MYO15B: variants seen among roughly 807,000 people sequenced by gnomAD.
MYO15B encodes myosin XVB pseudogene.
Under a neutral mutation model 119.3 loss-of-function variants are expected in MYO15B, and 207 were observed. The observed-to-expected ratio is 1.73, with a 90% CI of 1.55 to 1.95. The LOEUF is 1.95. MYO15B is among the 30% of genes most tolerant of loss of function. The pLI is 0.00. For missense variants in MYO15B, 2,264 were observed against 1,203.1 expected (o/e 1.88, Z -13.04); for synonymous variants, 966 against 498.9 (o/e 1.94, Z -12.48).
chr17:75,615,338 G>C, exon 34 of MYO15B: 1 of 702,030 alleles, frequency 1.4e-6, no homozygotes, highest in East Asian at 2.7e-5. Flanking sequence ...TGCCATGCCA[G>C]GTAAGTCTGG....
chr17:75,617,637 T>G (rs1398244957), intron 41 of MYO15B, 173 bp from the exon 42 acceptor site: 2 of 589,606 alleles, frequency 3.4e-6, no homozygotes, highest in African/African-American at 1.9e-5. Flanking sequence ...AGGGAAAGTT[T>G]AGGGCCCAAA....
chr17:75,592,936 A>G (rs2056575009), intron 9 of MYO15B, 96 bp downstream of exon 9: 1 of 638,294 alleles, frequency 1.6e-6, no homozygotes, highest in Admixed American at 2.3e-5. Flanking sequence ...AGGAGACTAC[A>G]GAGTGCTGGG....
chr17:75,626,583 A>C (rs1598967403), exon 64 of MYO15B: 1 of 680,806 alleles, frequency 1.5e-6, no homozygotes, highest in Non-Finnish European at 2.7e-6. Flanking sequence ...CTGTTCTAGA[A>C]CCTGCCTCAG....
chr17:75,594,850 G>A (rs2056749231), exon 12 of MYO15B: 2 of 702,948 alleles, frequency 2.8e-6, no homozygotes, highest in African/African-American at 1.7e-5. Context: ...GGACGCCCTG[G>A]CCAAGGCACT....
intron 21 of MYO15B, among the ~76,000 whole-genome samples, chr17:75,608,238 C>T (rs2057778581): frequency 6.6e-6 from 1 of 151,992 alleles, no homozygotes; most frequent in Middle Eastern, 3.2e-3. Context: ...CCTGCCTCAG[C>T]CTCCCGAGTA....
rs202034551 is a variant in MYO15B at position 75,621,145 on chromosome 17, G to C, written c.7840G>C (p.Ala2614Pro). 1,109 of 700,694 alleles carry C rather than the reference G, an allele frequency of 1.6e-3. 2 individuals carry two copies. The highest frequency in any genetic ancestry group is 2.4e-3 in the Non-Finnish European group (920 of 383,560). The allele number at this position is 700,694 out of a possible 1,614,324, so 43.4% of individuals were successfully genotyped here. A position where few individuals can be genotyped will look rare whatever the true frequency, so the allele number is the denominator to read the frequency against. Residue 2614 changes from alanine to proline, a missense_variant, in exon 50 of 64, where the codon GCC (alanine) becomes CCC (proline). Transcript: ENST00000645453. ...CCACAGCTACACCATGCAGGAATTC[G>C]CCCGGCGTTACTTCCGGAGGTCCCA...
chr17:75,596,873 C>G, exon 14 of MYO15B: 2 of 702,678 alleles, frequency 2.8e-6, no homozygotes, highest in Non-Finnish European at 5.2e-6. Flanking sequence ...CCTGAGTATC[C>G]TGGACGCCCA....
exon 27 of MYO15B, chr17:75,613,130 A>G (rs1321995394): frequency 1.4e-6 from 1 of 702,730 alleles, no homozygotes. Flanking sequence ...TGAACAGCAG[A>G]GCCAGCGTGG....
In MYO15B at chr17:75,605,909, G is replaced by A. The variant is rs1394649180; in HGVS notation, c.4180G>A (p.Asp1394Asn). The A allele has an allele frequency of 2.6e-5, 18 of 701,990 alleles. No homozygotes were observed. The East Asian group carries it at 4.3e-4, about 17-fold the overall frequency. The allele number at this position is 701,990 out of a possible 1,614,324, so 43.5% of individuals were successfully genotyped here. Reference sequence around the variant, plus strand: ...CTGGCAGCGGCTGGAGGAGCTCCGGGACCAGCAGCGCTCCCAGGCCCTGGT... The same window carrying A: ...CTGGCAGCGGCTGGAGGAGCTCCGGAACCAGCAGCGCTCCCAGGCCCTGGT... Residue 1394 changes from aspartate to asparagine, a missense_variant, in exon 21 of 64, where the codon GAC becomes AAC. By Grantham distance (23) the Asp-to-Asn change is conservative. Coordinates refer to ENST00000645453, the Ensembl canonical transcript of MYO15B.
At chr17:75,591,560 G>T in intron 4 of MYO15B, 41 bp from the exon 5 acceptor site, 1 of 702,356 alleles carries the variant, frequency 1.4e-6, no homozygotes, top group South Asian at 1.5e-5. Context: ...GTGGTCCTAT[G>T]TGCCCCTCCC....
chr17:75,625,792 G>T, intron 61 of MYO15B, 52 bp from the exon 62 acceptor site: 1 of 701,326 alleles, frequency 1.4e-6, no homozygotes. Context: ...AGCAGAGCAG[G>T]TTCCAGGGCC....
At position 75,619,291 on chromosome 17, in the gene MYO15B, C is replaced by A. The variant is rs1260767524; in HGVS notation, c.7064-67C>A. The A allele has an allele frequency of 8.5e-6, 6 of 702,304 alleles. No individual in the cohort carries two copies. The East Asian group carries it at 1.6e-4, about 19-fold the overall frequency. The allele number at this position is 702,304 out of a possible 1,614,324, so 43.5% of individuals were successfully genotyped here. ...GCGCCTGCCCTGAAGGAGGGAGCAG[C>A]ATGGGAGCAAACTCTAGAGCCCCCT... On this transcript the variant is annotated intron_variant, in intron 44 of 63. Coordinates refer to ENST00000645453, the Ensembl canonical transcript of MYO15B.
rs2058376431 is a variant in MYO15B, at chr17:75,616,450, G to T, written c.6244+4G>T. The T allele has an allele frequency of 3.7e-5, 24 of 648,322 alleles. No individual in the cohort carries two copies. The South Asian group carries it at 3.8e-4, about 10-fold the overall frequency. 40.2% of individuals were successfully genotyped at this position (648,322 alleles called of 1,614,324 possible). ...CAAGAAGTGGAAACAAGAGCAGGTT[G>T]TGGGGAGCTGGGCAGGGCCTGGGGC... On this transcript the variant is annotated splice_donor_region_variant and intron_variant, in intron 38 of 63. Transcript: ENST00000645453.
In MYO15B at chr17:75,606,719, C is replaced by T. The variant is rs561624045; in HGVS notation, c.4292+698C>T. On this transcript the variant is annotated intron_variant, in intron 21 of 63. Coordinates refer to ENST00000645453, the Ensembl canonical transcript of MYO15B. Reference sequence around the variant, plus strand: ...AACTCCCGACCTCAGGTGATCCGCCCGCCTCAGCCTCCCAAAATGCTGGGA... The same window carrying T: ...AACTCCCGACCTCAGGTGATCCGCCTGCCTCAGCCTCCCAAAATGCTGGGA... Among the ~76,000 whole-genome samples, 94 of 151,766 alleles carry T rather than the reference C, an allele frequency of 6.2e-4. 1 individual carries two copies. The highest frequency in any genetic ancestry group is 2.2e-3 in the African/African-American group (89 of 41,354).
At position 75,596,759 on chromosome 17, in the gene MYO15B, T is replaced by C. The variant is rs1187379125; in HGVS notation, c.3394-9T>C. Reference sequence around the variant, plus strand: ...TCCTGCAAAATGGCCAAATGCCGGCTGTTCCCAGGAGGAGTGTCGGCGGGA... The same window carrying C: ...TCCTGCAAAATGGCCAAATGCCGGCCGTTCCCAGGAGGAGTGTCGGCGGGA... On this transcript the variant is annotated splice_polypyrimidine_tract_variant and intron_variant, in intron 13 of 63. Transcript: ENST00000645453. 2 of 696,734 alleles carry C rather than the reference T, an allele frequency of 2.9e-6. No homozygotes were observed. Among genetic ancestry groups the C allele is most frequent in the Non-Finnish European group, 5.2e-6 (2 of 381,944 alleles). The allele number at this position is 696,734 out of a possible 1,614,324, so 43.2% of individuals were successfully genotyped here.
chr17:75,626,735 T>G (rs1415638322), exon 64 of MYO15B: 1 of 567,336 alleles, frequency 1.8e-6, no homozygotes, highest in Admixed American at 3.1e-5. Context: ...CACCTGAGGT[T>G]GCCCAGTCTG....
At chr17:75,618,476 A>C (rs142051070) in intron 43 of MYO15B, among the ~76,000 whole-genome samples, 204 of 152,308 alleles carry the variant, frequency 1.3e-3, no homozygotes, top group Non-Finnish European at 2.4e-3. Context: ...AACATGGTGA[A>C]ACTCCATGTC....
chr17:75,588,036 G>A (rs2056176497), exon 1 of MYO15B: 1 of 398,376 alleles, frequency 2.5e-6, no homozygotes, highest in African/African-American at 2.1e-5. Flanking sequence ...GCGTCGGGAA[G>A]CCCGTCTCCT....
At chr17:75,590,909 C>T (rs962591162) in exon 3 of MYO15B, 5 of 480,720 alleles carry the variant, frequency 1.0e-5, no homozygotes, top group African/African-American at 2.0e-5. Context: ...CTCCCCAGAC[C>T]TTTGGGGGGC....
Sources: allele counts gnomAD v4.1 joint callset (sites outside exome capture counted in the v4.1 genomes callset), GRCh38; gene constraint gnomAD v4.1.1; transcripts MANE v1.5; gene names NCBI Gene and HGNC (gene_info 2026-07-23, HGNC 2026-07-21).